CNTNAP2: variants seen among roughly 807,000 people sequenced by gnomAD.
The protein encoded by CNTNAP2 is contactin-associated protein-like 2.
CNTNAP2 carries 98 observed loss-of-function variants against 155.2 expected under a neutral mutation model. The observed-to-expected ratio is 0.63, with a 90% confidence interval of 0.54 to 0.75. CNTNAP2 has a LOEUF of 0.75. Ranked by LOEUF, CNTNAP2 falls within the 30% of genes least tolerant of loss-of-function variation. CNTNAP2 has a pLI of 0.00. For missense variants in CNTNAP2, 1,727 were observed against 1,688.1 expected (o/e 1.02, Z -0.40); for synonymous variants, 651 against 631.2 (o/e 1.03, Z -0.47).
At position 148,417,632 on chromosome 7, in the gene CNTNAP2, A is replaced by G. The variant is rs1318652344; in HGVS notation, c.*2016A>G. 1.3e-5 allele frequency: 2 copies of G among 152,210 alleles called. No individual in the cohort carries two copies. The highest frequency in any genetic ancestry group is 2.9e-5 in the Non-Finnish European group (2 of 68,042). 9.4% of individuals were successfully genotyped at this position (152,210 alleles called of 1,614,324 possible). A position where few individuals can be genotyped will look rare whatever the true frequency, so the allele number is the denominator to read the frequency against. ...TTTAGCCAAGATGATTACCATTAGG[A>G]GTTACTTTATGTATTGTTGAAAGCA... On this transcript the variant is annotated 3_prime_UTR_variant, in exon 24 of 24. Transcript: ENST00000361727.
chr7:147,232,550 C>G (rs1422688253), intron 8 of CNTNAP2, among the ~76,000 whole-genome samples: 1 of 152,138 alleles, frequency 6.6e-6, no homozygotes, highest in Non-Finnish European at 1.5e-5. Context: ...ATCAACTAAT[C>G]TTTGACATGG....
chr7:147,632,517 C>T (rs2116912464), intron 12 of CNTNAP2, among the ~76,000 whole-genome samples: 1 of 152,262 alleles, frequency 6.6e-6, no homozygotes, highest in Middle Eastern at 3.4e-3. Context: ...AAAGAGGTGC[C>T]TTCCACCATG....
At chr7:146,933,659 A>G (rs1017817797) in intron 3 of CNTNAP2, among the ~76,000 whole-genome samples, 1 of 148,546 alleles carries the variant, frequency 6.7e-6, no homozygotes, top group Non-Finnish European at 1.5e-5. Flanking sequence ...GCAACCTACA[A>G]AATGGGAGAA....
At chr7:146,291,376 A>G (rs1242513722) in intron 1 of CNTNAP2, among the ~76,000 whole-genome samples, 1 of 152,154 alleles carries the variant, frequency 6.6e-6, no homozygotes, top group African/African-American at 2.4e-5. Context: ...GGATAATAAT[A>G]TTTCATGGTG....
intron 1 of CNTNAP2, among the ~76,000 whole-genome samples, chr7:146,416,667 A>G (rs963874550): frequency 3.3e-5 from 5 of 152,120 alleles, no homozygotes; most frequent in Non-Finnish European, 7.3e-5. Context: ...AGGCAAAAGG[A>G]CTTCTTGGAG....
intron 11 of CNTNAP2, among the ~76,000 whole-genome samples, chr7:147,543,075 C>A (rs1250195852): frequency 1.1e-4 from 16 of 152,156 alleles, no homozygotes; most frequent in Admixed American, 6.5e-5. Context: ...GTCTCACAGC[C>A]TTCAGAGCTG....
At chr7:148,021,139 A>G (rs188154091) in intron 15 of CNTNAP2, among the ~76,000 whole-genome samples, 1 of 152,350 alleles carries the variant, frequency 6.6e-6, no homozygotes, top group East Asian at 1.9e-4. Context: ...ATGATTGGAC[A>G]AGCAGTTTCA....
chr7:147,808,899 C>T (rs543754679), intron 13 of CNTNAP2, among the ~76,000 whole-genome samples: 1 of 152,268 alleles, frequency 6.6e-6, no homozygotes, highest in South Asian at 2.1e-4. Flanking sequence ...AACTCAAAGG[C>T]AGGCAGTAGG....
intron 15 of CNTNAP2, among the ~76,000 whole-genome samples, chr7:148,093,057 T>C (rs1019942567): frequency 6.6e-6 from 1 of 151,968 alleles, no homozygotes; most frequent in African/African-American, 2.4e-5. Flanking sequence ...TTATAATATA[T>C]ATAGGGTTTA....
intron 13 of CNTNAP2, among the ~76,000 whole-genome samples, chr7:147,664,090 A>G (rs1340346627): frequency 6.6e-6 from 1 of 152,214 alleles, no homozygotes; most frequent in Non-Finnish European, 1.5e-5. Context: ...TTATTTTGTT[A>G]TGGCTTCCAT....
chr7:148,010,661 GT>G (rs34165242), intron 15 of CNTNAP2, among the ~76,000 whole-genome samples: 50,603 of 148,926 alleles, frequency 0.34, 9,438 homozygotes, highest in African/African-American at 0.51. Flanking sequence ...ATACATCAAG[GT>G]TTTTTTTTTT....
At chr7:146,615,980 A>G (rs1336076934) in intron 1 of CNTNAP2, among the ~76,000 whole-genome samples, 2 of 152,310 alleles carry the variant, frequency 1.3e-5, no homozygotes, top group East Asian at 3.9e-4. Flanking sequence ...GGAGAATTTA[A>G]TGTAATCTGT....
chr7:146,562,432 C>A (rs147149885), intron 1 of CNTNAP2, among the ~76,000 whole-genome samples: 1 of 152,136 alleles, frequency 6.6e-6, no homozygotes, highest in African/African-American at 2.4e-5. Flanking sequence ...AGAAAACATA[C>A]ATGTTAATTT....
intron 1 of CNTNAP2, among the ~76,000 whole-genome samples, chr7:146,599,320 T>C (rs535546870): frequency 5.9e-5 from 9 of 152,208 alleles, no homozygotes; most frequent in Non-Finnish European, 8.8e-5. Context: ...AATTGTTTTC[T>C]GTCAAAGCCC....
At chr7:147,711,730 C>T (rs1333840795) in intron 13 of CNTNAP2, among the ~76,000 whole-genome samples, 1 of 152,164 alleles carries the variant, frequency 6.6e-6, no homozygotes. Flanking sequence ...CCATTTTTAA[C>T]ACAGGATGTC....
At chr7:147,604,102 C>T (rs1801010638) in intron 12 of CNTNAP2, among the ~76,000 whole-genome samples, 1 of 152,060 alleles carries the variant, frequency 6.6e-6, no homozygotes, top group African/African-American at 2.4e-5. Flanking sequence ...AACGTTAGAC[C>T]TAAAAACCAT....
intron 4 of CNTNAP2, among the ~76,000 whole-genome samples, chr7:147,100,583 T>G (rs10278560): frequency 0.087 from 13,250 of 152,220 alleles, 1,448 homozygotes; most frequent in African/African-American, 0.26. Flanking sequence ...ATAACTCCAG[T>G]GTAAGTATAA....
At chr7:146,404,017 T>C (rs565295725) in intron 1 of CNTNAP2, among the ~76,000 whole-genome samples, 9 of 145,870 alleles carry the variant, frequency 6.2e-5, no homozygotes, top group African/African-American at 1.3e-4. Flanking sequence ...CCCAGCTACT[T>C]GGGAGGCTGA....
intron 8 of CNTNAP2, among the ~76,000 whole-genome samples, chr7:147,188,731 G>C (rs1354369479): frequency 6.6e-6 from 1 of 152,132 alleles, no homozygotes; most frequent in African/African-American, 2.4e-5. Flanking sequence ...ATCTGGATAA[G>C]AGCAAAAGTA....
Sources: allele counts gnomAD v4.1 joint callset (sites outside exome capture counted in the v4.1 genomes callset), GRCh38; gene constraint gnomAD v4.1.1; transcripts MANE v1.5; gene names NCBI Gene and HGNC (gene_info 2026-07-23, HGNC 2026-07-21).